The following PLCD4 variants were observed in gnomAD, a reference collection of about 807,000 sequenced individuals.
PLCD4 encodes 1-phosphatidylinositol 4,5-bisphosphate phosphodiesterase delta-4.
PLCD4 carries 63 observed loss-of-function variants against 90.2 expected under a neutral mutation model. The observed-to-expected ratio is 0.70, with a 90% confidence interval of 0.57 to 0.86. The LOEUF is 0.86. Ranked by LOEUF, PLCD4 falls within the 40% of genes least tolerant of loss-of-function variation. The probability of loss-of-function intolerance (pLI) is 0.00; values close to 1 mark genes in which losing one functional copy is unlikely to be tolerated. For missense variants in PLCD4, 830 were observed against 956.3 expected (o/e 0.87, Z 1.74); for synonymous variants, 294 against 356.5 (o/e 0.82, Z 1.97).
At chr2:218,612,246 T>C (rs528465951) in intron 1 of PLCD4, among the ~76,000 whole-genome samples, 14 of 152,318 alleles carry the variant, frequency 9.2e-5, no homozygotes, top group African/African-American at 2.6e-4. Context: ...ACATAGCTTC[T>C]GTAAGCCTCA....
At chr2:218,627,551 C>A (rs557005593) in intron 6 of PLCD4, among the ~76,000 whole-genome samples, 1 of 151,842 alleles carries the variant, frequency 6.6e-6, no homozygotes, top group South Asian at 2.1e-4. Flanking sequence ...CTCACTCTGT[C>A]CCCCAGGCTG....
At chr2:218,617,936 A>C (rs1695692777) in intron 3 of PLCD4, among the ~76,000 whole-genome samples, 1 of 151,762 alleles carries the variant, frequency 6.6e-6, no homozygotes, top group African/African-American at 2.4e-5. Context: ...AAATACAGAA[A>C]ATTAGCCGGG....
chr2:218,626,438 C>G (rs1368258290), intron 6 of PLCD4, among the ~76,000 whole-genome samples: 1 of 152,188 alleles, frequency 6.6e-6, no homozygotes, highest in Non-Finnish European at 1.5e-5. Flanking sequence ...TGGTGCAGGG[C>G]ATGGCTCTGA....
At chr2:218,631,943 G>A (rs918748006) in intron 9 of PLCD4, among the ~76,000 whole-genome samples, 193 bp from the exon 10 acceptor site, 1 of 152,092 alleles carries the variant, frequency 6.6e-6, no homozygotes, top group Admixed American at 6.6e-5. Context: ...TTTTCCATAT[G>A]GATAGAGATA....
chr2:218,635,886 C>T lies in PLCD4; in HGVS notation c.1987C>T (p.Arg663Cys), dbSNP rs773173607. 3.9e-5 allele frequency: 63 copies of T among 1,613,802 alleles called. No individual in the cohort carries two copies. Among genetic ancestry groups the T allele is most frequent in the Non-Finnish European group, 5.2e-5 (61 of 1,179,900 alleles). ...PLVKVQIFGV[R>C]LDTARQETNY... ...GGTGAAAGTGCAGATCTTTGGCGTTCGTCTAGACACAGCACGGCAGGAGAC... is the reference window on the plus strand; with the variant it reads ...GGTGAAAGTGCAGATCTTTGGCGTTTGTCTAGACACAGCACGGCAGGAGAC... Residue 663 changes from arginine (R) to cysteine (C), a missense_variant, in exon 14 of 16, where the codon CGT becomes TGT. Coordinates refer to ENST00000450993, the MANE Select transcript of PLCD4 (RefSeq NM_032726.4).
rs1351933863 is a variant in PLCD4, at chr2:218,607,907, C to A, written c.-197C>A. 1 of 152,324 alleles carries A rather than the reference C, an allele frequency of 6.6e-6. No individual in the cohort carries two copies. The highest frequency in any genetic ancestry group is 6.5e-5 in the Admixed American group (1 of 15,278). 9.4% of individuals were successfully genotyped at this position (152,324 alleles called of 1,614,324 possible). A position where few individuals can be genotyped will look rare whatever the true frequency, so the allele number is the denominator to read the frequency against. On this transcript the variant is annotated 5_prime_UTR_variant, in exon 1 of 16. Coordinates refer to ENST00000450993, the MANE Select transcript of PLCD4 (RefSeq NM_032726.4). Reference sequence around the variant, plus strand: ...TCCGGCTATAACTTGCCAGTCACAGCAGCCAGCTGCTGTAGAAGAGGGGAG... The same window carrying A: ...TCCGGCTATAACTTGCCAGTCACAGAAGCCAGCTGCTGTAGAAGAGGGGAG...
In PLCD4 at chr2:218,629,520, G is replaced by A. The variant is rs1696263237; in HGVS notation, c.976G>A (p.Ala326Thr). The A allele has an allele frequency of 1.9e-6, 3 of 1,611,800 alleles. No homozygotes were observed. The highest frequency in any genetic ancestry group is 2.2e-5 in the East Asian group (1 of 44,798). ...TCGGTGGGGATGGGGTTCTTTCAGG[G>A]CCCTGAAGCGGGGGTGCCGCTGCGT... Reference protein sequence around the residue: ...GQSSVEGYIRALKRGCRCVEV... With the variant: ...GQSSVEGYIRTLKRGCRCVEV... The change falls in exon 8 of 16, where the codon GCC becomes ACC. Residue 326 changes from alanine (A) to threonine (T), a missense_variant and splice_region_variant. Transcript: ENST00000450993.
intron 1 of PLCD4, chr2:218,609,575 C>G (rs1695239196): frequency 6.6e-6 from 1 of 152,218 alleles, no homozygotes; most frequent in South Asian, 2.1e-4. Context: ...TCCCAGTGCC[C>G]TCACTCCCAA....
At position 218,616,898 on chromosome 2, in the gene PLCD4, T is replaced by TTTTATATATATA. The variant is rs1553571887; in HGVS notation, c.181+837_181+838insTTATATATATAT. On this transcript the variant is annotated intron_variant, in intron 3 of 15. Coordinates refer to ENST00000450993, the MANE Select transcript of PLCD4 (RefSeq NM_032726.4). ...CATTTAATGAATGTTAGCCATTATTTTATATATATATATATATATATATAT... is the reference window on the plus strand; with the variant it reads ...CATTTAATGAATGTTAGCCATTATTTTTTATATATATATATATATATATATATATATATATAT... Among the ~76,000 whole-genome samples the TTTTATATATATA allele has an allele frequency of 6.4e-4, 4 of 6,254 alleles. 1 individual carries two copies. The highest frequency in any genetic ancestry group is 8.5e-4 in the Non-Finnish European group (2 of 2,360). 4.1% of individuals were successfully genotyped at this position (6,254 alleles called of 152,430 possible).
chr2:218,633,785 G>T, intron 11 of PLCD4, 24 bp downstream of exon 11: 1 of 1,612,908 alleles, frequency 6.2e-7, no homozygotes. Flanking sequence ...TGGAGGGATG[G>T]GGAGGGAAGT....
intron 10 of PLCD4, among the ~76,000 whole-genome samples, chr2:218,633,047 G>A (rs1408803381): frequency 6.6e-6 from 1 of 152,144 alleles, no homozygotes; most frequent in Admixed American, 6.6e-5. Context: ...TTCTGGGGCT[G>A]TGGTGTCTAA....
rs758116937 is a variant in PLCD4, at chr2:218,632,267, G to A, written c.1404G>A (p.Glu468=). 6 of 1,611,412 alleles carry A rather than the reference G, an allele frequency of 3.7e-6. No individual in the cohort carries two copies. Among genetic ancestry groups the A allele is most frequent in the Non-Finnish European group, 5.1e-6 (6 of 1,178,904 alleles). Residue 468 remains glutamate, a synonymous_variant, in exon 10 of 16, where the codon GAG becomes GAA. Coordinates refer to ENST00000450993, the MANE Select transcript of PLCD4 (RefSeq NM_032726.4). ...CGCTGGAGTCCCAGTTTGAGACTGA[G>A]CCTGAGCCCCAGGAGCAGAACCTTC... ...ELALESQFET[E]PEPQEQNLQN...
rs573125385 is a variant in PLCD4 at position 218,614,102 on chromosome 2, C to G, written c.-33-1605C>G. ...TGGCGTAATCTCGGCCCACTGCAACCTCTGCCTCCCAGGTTCACACGACTC... is the reference window on the plus strand; with the variant it reads ...TGGCGTAATCTCGGCCCACTGCAACGTCTGCCTCCCAGGTTCACACGACTC... On this transcript the variant is annotated intron_variant, in intron 1 of 15. Coordinates refer to ENST00000450993, the MANE Select transcript of PLCD4 (RefSeq NM_032726.4). Among the ~76,000 whole-genome samples, 7 of 152,066 alleles carry G rather than the reference C, an allele frequency of 4.6e-5. No individual in the cohort carries two copies. In the South Asian group the frequency reaches 6.2e-4, roughly 14 times the overall value.
At chr2:218,631,792 A>G (rs1370028168) in intron 9 of PLCD4, among the ~76,000 whole-genome samples, 1 of 139,648 alleles carries the variant, frequency 7.2e-6, no homozygotes, top group African/African-American at 2.7e-5. Flanking sequence ...ACTCCGTCTC[A>G]AAAAAAAAAA....
intron 13 of PLCD4, 46 bp from the exon 14 acceptor site, chr2:218,635,750 G>A (rs746140602): frequency 1.3e-6 from 2 of 1,590,460 alleles, no homozygotes; most frequent in Non-Finnish European, 1.7e-6. Context: ...GTCGGGTGGG[G>A]CTGGGCTGAG....
At chr2:218,623,909 C>T (rs1695995135) in intron 6 of PLCD4, among the ~76,000 whole-genome samples, 4 of 152,162 alleles carry the variant, frequency 2.6e-5, no homozygotes, top group African/African-American at 9.7e-5. Flanking sequence ...TCTCGAACTC[C>T]CGACCTCAGG....
At chr2:218,633,399 C>A (rs186247112) in intron 10 of PLCD4, 1 of 716,876 alleles carries the variant, frequency 1.4e-6, no homozygotes, top group Non-Finnish European at 2.5e-6. Flanking sequence ...GTGACGTGCC[C>A]GCTGTTTTGT....
At chr2:218,616,921 TATATATAGAGAGAG>T (rs1403068072) in intron 3 of PLCD4, among the ~76,000 whole-genome samples, 6 of 24,952 alleles carry the variant, frequency 2.4e-4, no homozygotes, top group African/African-American at 9.3e-4. Flanking sequence ...TATATATATA[TATATATAGAGAGAG>T]AGAGAGAGAG....
chr2:218,625,667 C>T (rs1189448538), intron 6 of PLCD4, among the ~76,000 whole-genome samples: 1 of 152,226 alleles, frequency 6.6e-6, no homozygotes, highest in Non-Finnish European at 1.5e-5. Flanking sequence ...GGCACAATGG[C>T]TCATGCCTGT....
Sources: gnomAD v4.1 joint callset for allele counts (sites outside exome capture counted in the v4.1 genomes callset) on GRCh38, gnomAD v4.1.1 for gene constraint, MANE v1.5 for transcripts, NCBI Gene and HGNC (gene_info 2026-07-23, HGNC 2026-07-21) for gene names.